AOX1: variants seen among roughly 807,000 people sequenced by gnomAD.
The protein encoded by AOX1 is aldehyde oxidase.
Under a neutral mutation model 169.5 loss-of-function variants are expected in AOX1, and 153 were observed. The ratio of observed to expected loss-of-function variants is 0.90; its 90% CI spans 0.79 to 1.03. The LOEUF (loss-of-function observed/expected upper bound fraction) is 1.03. Among genes scored for constraint, AOX1 ranks in the 50% least tolerant of loss-of-function variants. The pLI is 0.00. For missense variants in AOX1, 1,656 were observed against 1,663.9 expected (o/e 1.00, Z 0.08); for synonymous variants, 562 against 581.9 (o/e 0.97, Z 0.49).
At chr2:200,657,059 CATGCCTGTA>C (rs2105764517) in intron 27 of AOX1, 122 bp downstream of exon 27, 2 of 565,710 alleles carry the variant, frequency 3.5e-6, no homozygotes, top group East Asian at 7.7e-5. Flanking sequence ...TGAGGTGGCT[CATGCCTGTA>C]ATCCCAGCAT....
rs758712449 is a variant in AOX1, at chr2:200,605,529, C to G, written c.815-7C>G. The G allele has an allele frequency of 5.1e-5, 73 of 1,417,714 alleles. No homozygotes were observed. The Middle Eastern group carries it at 5.9e-4, about 11-fold the overall frequency. The allele number at this position is 1,417,714 out of a possible 1,614,324, so 87.8% of individuals were successfully genotyped here. On this transcript the variant is annotated splice_polypyrimidine_tract_variant and splice_region_variant and intron_variant, in intron 9 of 34. Coordinates refer to ENST00000374700, the MANE Select transcript of AOX1 (RefSeq NM_001159.4). ...TTATTGATTTTTTTTTTTTTTTGATCCTTTAGGGCCTGAAGTGAAATTTAA... is the reference window on the plus strand; with the variant it reads ...TTATTGATTTTTTTTTTTTTTTGATGCTTTAGGGCCTGAAGTGAAATTTAA...
At chr2:200,645,364 A>T (rs190261300) in intron 25 of AOX1, among the ~76,000 whole-genome samples, 12 of 152,276 alleles carry the variant, frequency 7.9e-5, no homozygotes, top group African/African-American at 2.9e-4. Context: ...TATGTAGTGT[A>T]TCAAATTTAT....
Position 200,597,460 on chromosome 2 carries a change from A to G in AOX1, c.264A>G (p.Thr88=). ...CTCTGTATGGTGCTGCCGTCACCAC[A>G]GTAGAAGGCATAGGAAGCACCCACA... is the stretch of plus-strand genomic sequence containing the variant. ...ICSLYGAAVT[T]VEGIGSTHTR... Residue 88 remains threonine, a synonymous_variant, in exon 4 of 35, where the codon ACA becomes ACG. Transcript: ENST00000374700. 6.2e-7 allele frequency: 1 copy of G among 1,612,768 alleles called. No individual in the cohort carries two copies. Among genetic ancestry groups the G allele is most frequent in the Non-Finnish European group, 8.5e-7 (1 of 1,179,406 alleles).
downstream of AOX1, among the ~76,000 whole-genome samples, chr2:200,679,112 C>T (rs1344759736): frequency 6.6e-6 from 1 of 152,134 alleles, no homozygotes; most frequent in Non-Finnish European, 1.5e-5. Flanking sequence ...AAGTAGTAGA[C>T]TCTTTATTTT....
intron 26 of AOX1, 61 bp downstream of exon 26, chr2:200,651,262 T>G: frequency 6.8e-7 from 1 of 1,474,928 alleles, no homozygotes; most frequent in Non-Finnish European, 9.4e-7. Flanking sequence ...AAGCAAGAGG[T>G]GTTGAGGAAA....
intron 33 of AOX1, 48 bp from the exon 34 acceptor site, chr2:200,669,527 C>T (rs1266586108): frequency 6.3e-7 from 1 of 1,590,154 alleles, no homozygotes; most frequent in Admixed American, 1.7e-5. Flanking sequence ...CACATATATA[C>T]AGAGTGAGAG....
rs756350405 is a variant in AOX1, at chr2:200,638,303, G to C, written c.2568+1G>C. The C allele has an allele frequency of 6.2e-7, 1 of 1,613,058 alleles. No homozygotes were observed. Among genetic ancestry groups the C allele is most frequent in the South Asian group, 1.1e-5 (1 of 91,054 alleles). On this transcript the variant is annotated splice_donor_variant, in intron 23 of 34. Transcript: ENST00000374700. LOFTEE classifies it high-confidence loss of function. ...CCATCCTTACCTTGGAAAGTACAAA[G>C]TGAGTACAAGAGGGCATGGAGGAAG...
rs1553578034 is a variant in AOX1 at position 200,657,165 on chromosome 2, A to AATATAT, written c.3171+249_3171+254dup. Among the ~76,000 whole-genome samples, 83 of 88,368 alleles carry AATATAT rather than the reference A, an allele frequency of 9.4e-4. 1 individual carries two copies. The highest frequency in any genetic ancestry group is 1.2e-3 in the South Asian group (3 of 2,520). The allele number at this position is 88,368 out of a possible 152,430, so 58.0% of individuals were successfully genotyped here. ...ATAGGGAGATTCCATCTCTACCAAA[A>AATATAT]ATATATATATATATATATATATATA... On this transcript the variant is annotated intron_variant, in intron 27 of 34. Transcript: ENST00000374700.
At chr2:200,591,493 ACGCACC>A (rs2106364325) in intron 1 of AOX1, among the ~76,000 whole-genome samples, 1 of 152,358 alleles carries the variant, frequency 6.6e-6, no homozygotes, top group Admixed American at 6.5e-5. Flanking sequence ...TGAAAGTCCA[ACGCACC>A]CCCTGGACTG....
chr2:200,624,742 A>C (rs16833921), intron 19 of AOX1, among the ~76,000 whole-genome samples: 51,130 of 152,040 alleles, frequency 0.34, 8,669 homozygotes, highest in South Asian at 0.4. Flanking sequence ...AAAGGCTATA[A>C]GACTCATCTC....
chr2:200,615,728 C>A (rs991511762), intron 15 of AOX1, among the ~76,000 whole-genome samples: 1 of 152,132 alleles, frequency 6.6e-6, no homozygotes, highest in African/African-American at 2.4e-5. Flanking sequence ...CTGGTGGAAG[C>A]CAGTTACCTA....
intron 2 of AOX1, 82 bp downstream of exon 2, chr2:200,593,285 A>G: frequency 8.8e-7 from 1 of 1,141,770 alleles, no homozygotes; most frequent in Non-Finnish European, 1.3e-6. Context: ...TATTTCAAAT[A>G]TACATTAGAG....
intron 16 of AOX1, among the ~76,000 whole-genome samples, chr2:200,618,617 C>T (rs2034818089): frequency 6.6e-6 from 1 of 152,146 alleles, no homozygotes; most frequent in Non-Finnish European, 1.5e-5. Context: ...TCCAGCCCTG[C>T]CACCTGCCTG....
chr2:200,601,584 C>T (rs2034413723), intron 5 of AOX1, among the ~76,000 whole-genome samples: 2 of 151,966 alleles, frequency 1.3e-5, no homozygotes, highest in African/African-American at 4.8e-5. Flanking sequence ...CCAAGTTGTA[C>T]AGCTTTTTGC....
intron 20 of AOX1, among the ~76,000 whole-genome samples, chr2:200,630,971 T>C (rs2035113922): frequency 6.6e-6 from 1 of 151,878 alleles, no homozygotes; most frequent in African/African-American, 2.4e-5. Flanking sequence ...GAAGCAAACC[T>C]GCACATCCTG....
At chr2:200,598,990 C>G (rs1015863576) in intron 4 of AOX1, among the ~76,000 whole-genome samples, 2 of 152,040 alleles carry the variant, frequency 1.3e-5, no homozygotes, top group Non-Finnish European at 2.9e-5. Context: ...CCATGTGAGA[C>G]CTGGTCATAC....
chr2:200,606,073 G>C (rs1574914993), intron 10 of AOX1, among the ~76,000 whole-genome samples: 1 of 152,166 alleles, frequency 6.6e-6, no homozygotes, highest in Admixed American at 6.5e-5. Flanking sequence ...CCTATGTCCT[G>C]AATGGTATTG....
intron 13 of AOX1, among the ~76,000 whole-genome samples, chr2:200,611,762 T>C (rs1305086627): frequency 1.3e-5 from 2 of 151,334 alleles, no homozygotes; most frequent in African/African-American, 4.9e-5. Context: ...TGGAGTGCAG[T>C]GGCATGATCT....
intron 15 of AOX1, among the ~76,000 whole-genome samples, chr2:200,614,572 C>T (rs2034712255): frequency 6.6e-6 from 1 of 152,024 alleles, no homozygotes; most frequent in Admixed American, 6.6e-5. Context: ...CTGGGGAGGA[C>T]ACAACTAAAA....
Sources: allele counts gnomAD v4.1 joint callset (sites outside exome capture counted in the v4.1 genomes callset), GRCh38; gene constraint gnomAD v4.1.1; transcripts MANE v1.5; gene names NCBI Gene and HGNC (gene_info 2026-07-23, HGNC 2026-07-21).